ANGPT1: variants seen among roughly 807,000 people sequenced by gnomAD.
ANGPT1 encodes angiopoietin 1.
ANGPT1 carries 17 observed loss-of-function variants against 62.2 expected under a neutral mutation model. The observed-to-expected ratio is 0.27, with a 90% confidence interval of 0.19 to 0.41. The LOEUF is 0.41. Ranked by LOEUF, ANGPT1 falls within the 10% of genes least tolerant of loss-of-function variation. The probability of loss-of-function intolerance (pLI) is 1.00; values close to 1 mark genes in which losing one functional copy is unlikely to be tolerated. For missense variants in ANGPT1, 478 were observed against 594.9 expected (o/e 0.80, Z 2.04); for synonymous variants, 199 against 198.9 (o/e 1.00, Z 0.00).
chr8:107,332,885 G>C (rs916294638), intron 3 of ANGPT1, among the ~76,000 whole-genome samples: 3 of 152,238 alleles, frequency 2.0e-5, no homozygotes, highest in African/African-American at 7.2e-5. Flanking sequence ...TGTAGAAATA[G>C]CTTCTTGTTG....
At position 107,306,128 on chromosome 8, in the gene ANGPT1, T is replaced by G. The variant is rs554798050; in HGVS notation, c.809-2761A>C. On this transcript the variant is annotated intron_variant, in intron 4 of 8. Coordinates refer to ENST00000517746, the MANE Select transcript of ANGPT1 (RefSeq NM_001146.5). The stretch of plus-strand genomic sequence containing the variant: ...AGTTGTTATGGTAATGACAACACTG[T>G]TAACAGCAATATTATCCTGTTACTC... Among the ~76,000 whole-genome samples the G allele has an allele frequency of 3.3e-5, 5 of 152,196 alleles. No homozygotes were observed. The East Asian group carries it at 9.6e-4, about 29-fold the overall frequency.
At chr8:107,321,817 G>A in intron 4 of ANGPT1, 79 bp downstream of exon 4, 2 of 1,251,340 alleles carry the variant, frequency 1.6e-6, no homozygotes, top group South Asian at 1.4e-5. Flanking sequence ...TCAATGCACT[G>A]TAGAAAGCTA....
chr8:107,432,629 A>G (rs973132241), intron 1 of ANGPT1, among the ~76,000 whole-genome samples: 2 of 149,872 alleles, frequency 1.3e-5, no homozygotes, highest in African/African-American at 4.9e-5. Flanking sequence ...GAGCCACTGC[A>G]CTCCAGCCTG....
chr8:107,357,233 A>G (rs1339418697), intron 1 of ANGPT1, among the ~76,000 whole-genome samples: 3 of 152,198 alleles, frequency 2.0e-5, no homozygotes, highest in African/African-American at 4.8e-5. Flanking sequence ...CTGCCTAACA[A>G]CACAGAAATC....
intron 1 of ANGPT1, among the ~76,000 whole-genome samples, chr8:107,482,013 A>G (rs1273648738): frequency 2.6e-5 from 4 of 152,216 alleles, no homozygotes; most frequent in Non-Finnish European, 4.4e-5. Flanking sequence ...AAAAGACTGC[A>G]TTGATAATGA....
At chr8:107,442,926 C>T (rs1265357470) in intron 1 of ANGPT1, among the ~76,000 whole-genome samples, 2 of 152,158 alleles carry the variant, frequency 1.3e-5, no homozygotes, top group Non-Finnish European at 2.9e-5. Context: ...TTTGGTAACA[C>T]CTGCACAGTC....
chr8:107,301,551 T>C (rs1225087484), intron 5 of ANGPT1, among the ~76,000 whole-genome samples: 7 of 151,938 alleles, frequency 4.6e-5, no homozygotes, highest in Non-Finnish European at 1.0e-4. Context: ...AGACTTGCCA[T>C]TGTATTTCAA....
chr8:107,274,896 G>T (rs1037281891), intron 7 of ANGPT1, among the ~76,000 whole-genome samples: 1 of 152,018 alleles, frequency 6.6e-6, no homozygotes, highest in Non-Finnish European at 1.5e-5. Flanking sequence ...AGAGATTACA[G>T]TCTAATAATA....
At chr8:107,492,591 C>A (rs757727967) in intron 1 of ANGPT1, among the ~76,000 whole-genome samples, 2 of 151,356 alleles carry the variant, frequency 1.3e-5, no homozygotes, top group South Asian at 4.2e-4. Context: ...CCCGCCTTGG[C>A]GTCCCAAAGT....
intron 1 of ANGPT1, among the ~76,000 whole-genome samples, chr8:107,349,128 A>AGAT (rs1815875577): frequency 6.7e-6 from 1 of 149,766 alleles, no homozygotes; most frequent in African/African-American, 2.4e-5. Context: ...GAGATTAGAT[A>AGAT]GATAGATAGA....
intron 1 of ANGPT1, among the ~76,000 whole-genome samples, chr8:107,355,745 C>G (rs1481340842): frequency 6.6e-6 from 1 of 152,152 alleles, no homozygotes; most frequent in Non-Finnish European, 1.5e-5. Context: ...AGCCTCTCAT[C>G]AATCTTCTCT....
chr8:107,384,427 A>G (rs1384317378), intron 1 of ANGPT1, among the ~76,000 whole-genome samples: 1 of 147,208 alleles, frequency 6.8e-6, no homozygotes, highest in Non-Finnish European at 1.5e-5. Flanking sequence ...TATTACATGT[A>G]TATGTATTAT....
At chr8:107,333,562 G>A (rs986998561) in intron 3 of ANGPT1, among the ~76,000 whole-genome samples, 12 of 152,160 alleles carry the variant, frequency 7.9e-5, no homozygotes, top group African/African-American at 2.9e-4. Flanking sequence ...ACACGTGTAA[G>A]AAAACCTGAG....
chr8:107,468,586 A>G (rs1812266651), intron 1 of ANGPT1, among the ~76,000 whole-genome samples: 1 of 152,108 alleles, frequency 6.6e-6, no homozygotes, highest in Non-Finnish European at 1.5e-5. Flanking sequence ...CCACAAGGTT[A>G]TAGAGTATAG....
rs71308727 is a variant in ANGPT1, at chr8:107,370,340, AAAAGAAAGAAAGAAAGAAAGAAAG to A, written c.298-23267_298-23244del. ...GAAGGAAAGAGAAAGGAAAGAAAGA[AAAAGAAAGAAAGAAAGAAAGAAAG>A]AAAGAAAGAAAGAAAGAAAGAAAGA... is the stretch of plus-strand genomic sequence containing the variant. On this transcript the variant is annotated intron_variant, in intron 1 of 8. Coordinates refer to ENST00000517746, the MANE Select transcript of ANGPT1 (RefSeq NM_001146.5). Among the ~76,000 whole-genome samples the A allele has an allele frequency of 5.1e-4, 28 of 54,430 alleles. 3 individuals are homozygous for A. In the South Asian group the frequency reaches 7.0e-3, roughly 14 times the overall value. 35.7% of individuals were successfully genotyped at this position (54,430 alleles called of 152,430 possible).
At chr8:107,315,380 T>C (rs993431717) in intron 4 of ANGPT1, among the ~76,000 whole-genome samples, 1 of 152,126 alleles carries the variant, frequency 6.6e-6, no homozygotes, top group African/African-American at 2.4e-5. Flanking sequence ...TTGTTATCTG[T>C]CCTTTCACAT....
chr8:107,322,182 C>T (rs1484972198), intron 3 of ANGPT1, 54 bp from the exon 4 acceptor site: 1 of 1,299,914 alleles, frequency 7.7e-7, no homozygotes, highest in Non-Finnish European at 1.1e-6. Flanking sequence ...TACAAAAAAA[C>T]CCTTATAATT....
intron 1 of ANGPT1, among the ~76,000 whole-genome samples, chr8:107,469,965 G>A (rs1400065668): frequency 6.6e-6 from 1 of 151,998 alleles, no homozygotes; most frequent in Non-Finnish European, 1.5e-5. Context: ...TTGCTTGAGT[G>A]TTGCCTTTAA....
intron 7 of ANGPT1, among the ~76,000 whole-genome samples, chr8:107,265,908 C>A (rs1398043233): frequency 1.3e-5 from 2 of 151,798 alleles, no homozygotes; most frequent in Admixed American, 1.3e-4. Flanking sequence ...TAGCAAAAAA[C>A]AATATTATTG....
Sources: gnomAD v4.1 joint callset for allele counts (sites outside exome capture counted in the v4.1 genomes callset) on GRCh38, gnomAD v4.1.1 for gene constraint, MANE v1.5 for transcripts, NCBI Gene and HGNC (gene_info 2026-07-23, HGNC 2026-07-21) for gene names.